Variants in NFKBIL1 observed in about 807,000 individuals in gnomAD.
NFKBIL1 encodes the protein NFKB inhibitor like 1.
In NFKBIL1, 30 loss-of-function variants were observed where a neutral mutation model predicts 45.4. That is an observed-to-expected ratio of 0.66 (90% confidence interval 0.49 to 0.90). NFKBIL1 has a LOEUF of 0.90. NFKBIL1 is among the 40% of genes least tolerant of loss of function. The pLI, the probability that NFKBIL1 is intolerant of heterozygous loss-of-function variation, is 0.00. For missense variants in NFKBIL1, 434 were observed against 513.4 expected, an observed-to-expected ratio of 0.85 and a Z score of 1.49; for synonymous variants, 179 against 197.3, an observed-to-expected ratio of 0.91 and a Z score of 0.78.
At position 31,557,632 on chromosome 6, in the gene NFKBIL1, C is replaced by T; in HGVS notation, c.339C>T (p.Tyr113=). The T allele has an allele frequency of 6.5e-7, 1 of 1,526,828 alleles. No individual in the cohort carries two copies. Among genetic ancestry groups the T allele is most frequent in the Non-Finnish European group, 8.8e-7 (1 of 1,132,602 alleles). The allele number at this position is 1,526,828 out of a possible 1,614,324, so 94.6% of individuals were successfully genotyped here. A position where few individuals can be genotyped will look rare whatever the true frequency, so the allele number is the denominator to read the frequency against. ...HAAARQGPDA[Y]TDFFLPLLSR... is the part of the protein sequence containing the mutation. ...TCCCTGCTCTCCCACCAACAGCCTACACCGATTTCTTCCTCCCGCTGCTAA... is the reference window on the plus strand; with the variant it reads ...TCCCTGCTCTCCCACCAACAGCCTATACCGATTTCTTCCTCCCGCTGCTAA... The change falls in exon 3 of 4, where the codon TAC becomes TAT. Residue 113 remains tyrosine, a synonymous_variant. Coordinates refer to ENST00000376148, the MANE Select transcript of NFKBIL1 (RefSeq NM_005007.4). The surrounding 1 kb of genome is among the most constrained non-coding windows in gnomAD (Gnocchi z 5.4).
intron 2 of NFKBIL1, among the ~76,000 whole-genome samples, chr6:31,553,577 A>G (rs531015879): frequency 6.6e-5 from 10 of 152,196 alleles, no homozygotes; most frequent in Non-Finnish European, 1.5e-4. Context: ...AAATTATACT[A>G]CAAACATGAC....
intron 2 of NFKBIL1, among the ~76,000 whole-genome samples, chr6:31,549,499 ACCTC>A (rs1164321605): frequency 1.4e-4 from 21 of 149,478 alleles, no homozygotes; most frequent in African/African-American, 5.2e-4. Flanking sequence ...TGATCCACCA[ACCTC>A]AGCCTCTCAA....
Position 31,558,542 on chromosome 6 carries a change from G to A in NFKBIL1, c.1077G>A (p.Leu359=). 1 of 1,564,628 alleles carries A rather than the reference G, an allele frequency of 6.4e-7. No individual in the cohort carries two copies. The change falls in exon 4 of 4, where the codon CTG becomes CTA. Residue 359 remains leucine (L), a synonymous_variant. Transcript: ENST00000376148. This position sits in a 1 kb window ranked among gnomAD's most constrained non-coding sequence, Gnocchi z 7.2. ...RFRSQIETWE[L]GRVMGAVTAL... is the part of the protein sequence containing the mutation. ...GAAGCCAGATTGAGACCTGGGAGCT[G>A]GGCCGTGTGATGGGAGCAGTGACAG...
At chr6:31,552,809 A>G (rs1769509566) in intron 2 of NFKBIL1, among the ~76,000 whole-genome samples, 1 of 138,306 alleles carries the variant, frequency 7.2e-6, no homozygotes, top group Non-Finnish European at 1.5e-5. Context: ...GGTTCAAGCC[A>G]TTCTCCTGCC....
chr6:31,556,263 G>A lies in NFKBIL1; in HGVS notation c.335-1365G>A, dbSNP rs567546192. Among the ~76,000 whole-genome samples, 19 of 152,222 alleles carry A rather than the reference G, an allele frequency of 1.2e-4. No homozygotes were observed. In the East Asian group the frequency reaches 3.7e-3, roughly 29 times the overall value. ...CCAACCCTGATGTGATTTGGGTAGG[G>A]ATGGTGGGCCTTCGCCAGCCACACC... On this transcript the variant is annotated intron_variant, in intron 2 of 3. Transcript: ENST00000376148.
In NFKBIL1 at chr6:31,548,313, C is replaced by T. The variant is rs1160632073; in HGVS notation, c.208C>T (p.His70Tyr). 6.2e-7 allele frequency: 1 copy of T among 1,605,616 alleles called. No individual in the cohort carries two copies. The highest frequency in any genetic ancestry group is 8.5e-7 in the Non-Finnish European group (1 of 1,176,584). The change falls in exon 2 of 4, where the codon CAC becomes TAC. Residue 70 changes from histidine (H) to tyrosine (Y), a missense_variant. His to Tyr is a moderately conservative substitution (Grantham distance 83, BLOSUM62 2). Transcript: ENST00000376148. The stretch of plus-strand genomic sequence containing the variant: ...AGATGCTGGGCAGCCCCCACCACTG[C>T]ACCGGGCCTGTGCCCGCCACGATGC... ...DVDAGQPPPLHRACARHDAPA... is the reference protein window; with the variant it reads ...DVDAGQPPPLYRACARHDAPA...
At position 31,547,614 on chromosome 6, in the gene NFKBIL1, CGCCTCCCGTCTCCGA is replaced by C; in HGVS notation, c.-78_-64del. On this transcript the variant is annotated 5_prime_UTR_variant, in exon 1 of 4. Coordinates refer to ENST00000376148, the MANE Select transcript of NFKBIL1 (RefSeq NM_005007.4). ...CAGCCTGGAGTGTCTCCGCCCTTCC[CGCCTCCCGTCTCCGA>C]GCTTCTTAAACACAGGCCTTGGGCC... 5 of 985,348 alleles carry C rather than the reference CGCCTCCCGTCTCCGA, an allele frequency of 5.1e-6. No homozygotes were observed. In the South Asian group the frequency reaches 7.4e-5, roughly 15 times the overall value. 61.0% of individuals were successfully genotyped at this position (985,348 alleles called of 1,614,324 possible). A position where few individuals can be genotyped will look rare whatever the true frequency, so the allele number is the denominator to read the frequency against.
At chr6:31,547,821 T>C in intron 1 of NFKBIL1, 70 bp downstream of exon 1, 1 of 1,384,206 alleles carries the variant, frequency 7.2e-7, no homozygotes, top group African/African-American at 1.4e-5. Flanking sequence ...AGATTTCTGC[T>C]GATAAAAATT....
chr6:31,557,802 A>G lies in NFKBIL1; in HGVS notation c.509A>G (p.Gln170Arg). Residue 170 changes from glutamine to arginine, a missense_variant, in exon 3 of 4, where the codon CAG (glutamine) becomes CGG (arginine). Gln to Arg is a conservative substitution (Grantham distance 43, BLOSUM62 1). Transcript: ENST00000376148. This position sits in a 1 kb window ranked among gnomAD's most constrained non-coding sequence, Gnocchi z 5.4. ...SKEREWRQKL[Q>R]GELEDEWQEV... ...GAGCGGGAATGGAGACAGAAGCTCC[A>G]GGGTGAGCTGGAGGACGAGTGGCAG... The G allele has an allele frequency of 6.2e-7, 1 of 1,609,990 alleles. No homozygotes were observed. The highest frequency in any genetic ancestry group is 1.1e-5 in the South Asian group (1 of 90,696).
At position 31,557,026 on chromosome 6, in the gene NFKBIL1, C is replaced by G. The variant is rs1339400613; in HGVS notation, c.335-602C>G. 5.9e-5 allele frequency among the ~76,000 whole-genome samples: 9 copies of G among 151,978 alleles called. No homozygotes were observed. Among genetic ancestry groups the G allele is most frequent in the Non-Finnish European group, 1.2e-4 (8 of 68,016 alleles). ...AAGAATTTGGGCACTGCCTTGGTGG[C>G]TGGAGGCAGGTCAGAAAATGTCAGT... is the stretch of plus-strand genomic sequence containing the variant. On this transcript the variant is annotated intron_variant, in intron 2 of 3. Coordinates refer to ENST00000376148, the MANE Select transcript of NFKBIL1 (RefSeq NM_005007.4). This position sits in a 1 kb window ranked among gnomAD's most constrained non-coding sequence, Gnocchi z 5.4.
rs1554278655 is a variant in NFKBIL1, at chr6:31,558,377, C to A, written c.912C>A (p.Cys304Ter). Residue 304 changes from cysteine (C) to a stop codon, truncating the protein, a stop_gained, in exon 4 of 4, where the codon TGC becomes TGA. Coordinates refer to ENST00000376148, the MANE Select transcript of NFKBIL1 (RefSeq NM_005007.4). LOFTEE classifies it high-confidence loss of function. The surrounding 1 kb of genome is among the most constrained non-coding windows in gnomAD (Gnocchi z 7.2). ...LWRFGDVPWP[C>*]PGGGDPEAMA... The stretch of plus-strand genomic sequence containing the variant: ...GATTTGGTGATGTGCCCTGGCCCTG[C>A]CCTGGGGGAGGGGACCCAGAGGCCA... The A allele has an allele frequency of 6.4e-7, 1 of 1,551,278 alleles. No individual in the cohort carries two copies. Among genetic ancestry groups the A allele is most frequent in the East Asian group, 2.4e-5 (1 of 41,562 alleles).
Sources: allele counts gnomAD v4.1 joint callset (sites outside exome capture counted in the v4.1 genomes callset), GRCh38; gene constraint gnomAD v4.1.1; non-coding constraint Gnocchi (gnomAD v3.1); transcripts MANE v1.5; gene names NCBI Gene and HGNC (gene_info 2026-07-23, HGNC 2026-07-21).